LOC112694756: variants seen among roughly 807,000 people sequenced by gnomAD.
the LOC112694756 span, among the ~76,000 whole-genome samples, chr16:30,057,573 G>A: frequency 6.6e-6 from 1 of 152,188 alleles, no homozygotes; most frequent in Admixed American, 6.5e-5. Flanking sequence ...AGGATGGAAG[G>A]GGAGGATAAA....
chr16:30,063,374 C>G, the LOC112694756 span, among the ~76,000 whole-genome samples: 114 of 152,236 alleles, frequency 7.5e-4, no homozygotes, highest in African/African-American at 2.6e-3. Context: ...CTCAACTGCA[C>G]AGACCCCGGG....
At chr16:30,059,427 A>G in the LOC112694756 span, among the ~76,000 whole-genome samples, 1 of 151,690 alleles carries the variant, frequency 6.6e-6, no homozygotes, top group Non-Finnish European at 1.5e-5. Context: ...AAAACCCGGG[A>G]GGCGGACCTT....
the LOC112694756 span, among the ~76,000 whole-genome samples, chr16:30,061,748 A>T: frequency 6.6e-6 from 1 of 150,578 alleles, no homozygotes; most frequent in African/African-American, 2.4e-5. Context: ...TTAGTAGAGA[A>T]GAGGTTTCGC....
At chr16:30,068,316 G>A in the LOC112694756 span, 5 of 365,680 alleles carry the variant, frequency 1.4e-5, no homozygotes, top group East Asian at 7.0e-5. Flanking sequence ...TGCCCACCTC[G>A]GCCTCCCAAA....
the LOC112694756 span, among the ~76,000 whole-genome samples, chr16:30,056,216 TCTC>T: frequency 0.32 from 48,350 of 149,556 alleles, 8,487 homozygotes; most frequent in South Asian, 0.43. Flanking sequence ...TTCAAGCAAT[TCTC>T]CTGCCTCAGC....
At chr16:30,068,627 G>A in the LOC112694756 span, 36 of 1,613,928 alleles carry the variant, frequency 2.2e-5, no homozygotes, top group Non-Finnish European at 3.0e-5. Flanking sequence ...TCTTAATGTT[G>A]TTACCCTGAC....
chr16:30,061,277 CTCT>C, the LOC112694756 span, among the ~76,000 whole-genome samples: 3 of 152,268 alleles, frequency 2.0e-5, no homozygotes, highest in Non-Finnish European at 4.4e-5. Flanking sequence ...CTGAGAAGCC[CTCT>C]TCTTTCTTCT....
the LOC112694756 span, among the ~76,000 whole-genome samples, chr16:30,056,572 G>C: frequency 6.6e-6 from 1 of 151,980 alleles, no homozygotes; most frequent in Non-Finnish European, 1.5e-5. Flanking sequence ...TATCATGTAG[G>C]TTATTTCATC....
chr16:30,067,924 C>T, the LOC112694756 span: 1 of 540,972 alleles, frequency 1.8e-6, no homozygotes, highest in Non-Finnish European at 3.3e-6. Context: ...CAGTCTGACA[C>T]CCAATTCACT....
chr16:30,068,478 G>A, the LOC112694756 span: 9 of 744,304 alleles, frequency 1.2e-5, no homozygotes, highest in South Asian at 1.0e-4. Flanking sequence ...GAGGAAAGAG[G>A]GGCACGCCCA....
chr16:30,068,852 CAAG>C, the LOC112694756 span: 6 of 1,614,128 alleles, frequency 3.7e-6, no homozygotes, highest in Non-Finnish European at 5.1e-6. Context: ...GTGCCCAGTA[CAAG>C]AAGGACGGAG....
the LOC112694756 span, chr16:30,067,999 C>A: frequency 3.0e-6 from 1 of 327,998 alleles, no homozygotes. Context: ...ACTAAGTGAA[C>A]TAAGTGAAAA....
At chr16:30,068,601 G>A in the LOC112694756 span, 1 of 1,604,658 alleles carries the variant, frequency 6.2e-7, no homozygotes, top group Non-Finnish European at 8.5e-7. Context: ...AAGGGTGCTA[G>A]AGGTCATTTC....
the LOC112694756 span, chr16:30,067,577 C>T: frequency 6.2e-7 from 1 of 1,614,054 alleles, no homozygotes; most frequent in African/African-American, 1.3e-5. Context: ...TCATCCTCTT[C>T]CATGAGACAC....
At chr16:30,062,619 G>C in the LOC112694756 span, among the ~76,000 whole-genome samples, 1 of 151,816 alleles carries the variant, frequency 6.6e-6, no homozygotes, top group Non-Finnish European at 1.5e-5. Flanking sequence ...AAGGCGGGCA[G>C]ATACCTGAGG....
chr16:30,054,381 C>T, the LOC112694756 span, among the ~76,000 whole-genome samples: 1 of 151,722 alleles, frequency 6.6e-6, no homozygotes, highest in Admixed American at 6.6e-5. Flanking sequence ...GAGCCATTGA[C>T]GGATTGTAAG....
At chr16:30,061,475 G>C in the LOC112694756 span, among the ~76,000 whole-genome samples, 1 of 150,906 alleles carries the variant, frequency 6.6e-6, no homozygotes, top group Admixed American at 6.6e-5. Context: ...GAGGGCTCAA[G>C]AGGGATTGCA....
chr16:30,069,849 A>G, the LOC112694756 span: 1 of 1,614,078 alleles, frequency 6.2e-7, no homozygotes, highest in Non-Finnish European at 8.5e-7. Flanking sequence ...TCCTGTCTGG[A>G]GGCCAGAGTG....
the LOC112694756 span, chr16:30,069,576 C>T: frequency 6.2e-7 from 1 of 1,614,128 alleles, no homozygotes; most frequent in Non-Finnish European, 8.5e-7. Flanking sequence ...CCAACATGGT[C>T]ACCCCAGGCC....
Sources: allele counts gnomAD v4.1 joint callset (sites outside exome capture counted in the v4.1 genomes callset), GRCh38; gene constraint gnomAD v4.1.1; transcripts MANE v1.5.